Variants in COMMD5 observed in about 807,000 individuals in gnomAD.
COMMD5 encodes COMM domain containing 5.
A neutral mutation model predicts 6.9 loss-of-function variants in COMMD5; 10 were observed. The observed-to-expected ratio is 1.44, with a 90% CI of 0.89 to 2.45. The LOEUF (loss-of-function observed/expected upper bound fraction) is 2.45. Among genes scored for constraint, COMMD5 ranks in the 30% most tolerant of loss-of-function variants. The pLI, the probability that COMMD5 is intolerant of heterozygous loss-of-function variation, is 0.00. For missense variants in COMMD5, 234 were observed against 287.8 expected (o/e 0.81, Z 1.35); for synonymous variants, 127 against 125.3 (o/e 1.01, Z -0.09).
chr8:144,851,381 C>T lies in COMMD5; in HGVS notation c.-43G>A, dbSNP rs1198113262. On this transcript the variant is annotated 5_prime_UTR_variant, in exon 2 of 2. Transcript: ENST00000305103. ...TGATCAGCCAGCCCAGGAGGTCGGT[C>T]CCAGATGCAGATGCCTAGAGTGGGG... The T allele has an allele frequency of 7.7e-6, 12 of 1,567,642 alleles. No individual in the cohort carries two copies. The highest frequency in any genetic ancestry group is 1.4e-5 in the African/African-American group (1 of 73,920).
chr8:144,844,936 G>A (rs1338895892), intron 1 of COMMD5, among the ~76,000 whole-genome samples: 2 of 151,800 alleles, frequency 1.3e-5, no homozygotes, highest in African/African-American at 4.8e-5. Context: ...GGGAGAGGAA[G>A]TGGGGAAAAA....
chr8:144,846,513 T>C, downstream of COMMD5: 2 of 227,424 alleles, frequency 8.8e-6, no homozygotes, highest in Non-Finnish European at 1.7e-5. Flanking sequence ...CCAAGTCACC[T>C]TGAACTTGGA....
chr8:144,846,953 C>G (rs955100699), downstream of COMMD5: 3 of 152,274 alleles, frequency 2.0e-5, no homozygotes, highest in African/African-American at 7.2e-5. Flanking sequence ...CCGCCTCGGC[C>G]TCCCTAAGTG....
Position 144,851,263 on chromosome 8 carries a change from C to G in COMMD5, c.76G>C (p.Gly26Arg), listed in dbSNP as rs1830730847. 6.2e-7 allele frequency: 1 copy of G among 1,613,886 alleles called. No homozygotes were observed. Among genetic ancestry groups the G allele is most frequent in the Non-Finnish European group, 8.5e-7 (1 of 1,180,026 alleles). The change falls in exon 2 of 2, where the codon GGG becomes CGG. Residue 26 changes from glycine (G) to arginine (R), a missense_variant. Coordinates refer to ENST00000305103, the MANE Select transcript of COMMD5 (RefSeq NM_014066.4). The part of the protein sequence containing the change: ...DSHSGRVSFL[G>R]AQLPPEVAAM... ...GCCACCTCTGGAGGAAGCTGGGCCC[C>G]CAAGAAACTCACTCGGCCACTGTGA...
chr8:144,839,208 C>T (rs1340383885), downstream of COMMD5, among the ~76,000 whole-genome samples: 1 of 151,822 alleles, frequency 6.6e-6, no homozygotes, highest in Non-Finnish European at 1.5e-5. Context: ...TCATATGCGC[C>T]TAGGGGCTGT....
downstream of COMMD5, among the ~76,000 whole-genome samples, chr8:144,845,817 G>A (rs1830478893): frequency 6.6e-6 from 1 of 152,218 alleles, no homozygotes; most frequent in Non-Finnish European, 1.5e-5. Context: ...CTCCAGCCAT[G>A]CCCTACTCAC....
In COMMD5 at chr8:144,850,872, C is replaced by G. The variant is rs541693996; in HGVS notation, c.467G>C (p.Arg156Pro). ...GGAGATTGCTACATCCACCCGCCAC[C>G]GAAAGTCAGCAACATGCGGCAGCCA... ...GAWLPHVADF[R>P]WRVDVAISTS... The change falls in exon 2 of 2, where the codon CGG becomes CCG. Residue 156 changes from arginine (R) to proline (P), a missense_variant. Physicochemically the swap from Arg to Pro is moderately radical, Grantham distance 103 (BLOSUM62 -2). Transcript: ENST00000305103. This position sits in a 1 kb window ranked among gnomAD's most constrained non-coding sequence, Gnocchi z 4.0. 1.2e-6 allele frequency: 2 copies of G among 1,613,040 alleles called. No individual in the cohort carries two copies. The highest frequency in any genetic ancestry group is 8.5e-7 in the Non-Finnish European group (1 of 1,179,728).
chr8:144,848,516 G>A (rs1170260196), downstream of COMMD5, among the ~76,000 whole-genome samples: 1 of 151,920 alleles, frequency 6.6e-6, no homozygotes, highest in Non-Finnish European at 1.5e-5. Flanking sequence ...AAAAAAGATG[G>A]TATTGGAACA....
downstream of COMMD5, among the ~76,000 whole-genome samples, chr8:144,840,132 G>A (rs1485349368): frequency 6.6e-6 from 1 of 152,208 alleles, no homozygotes; most frequent in Non-Finnish European, 1.5e-5. Flanking sequence ...GCAGGGGAAG[G>A]CTTGGGAGGA....
At position 144,850,615 on chromosome 8, in the gene COMMD5, T is replaced by A; in HGVS notation, c.*49A>T. On this transcript the variant is annotated 3_prime_UTR_variant, in exon 2 of 2. Transcript: ENST00000305103. This position sits in a 1 kb window ranked among gnomAD's most constrained non-coding sequence, Gnocchi z 4.0. ...GAGTCAGCTGCACTTTGGCACCATC[T>A]CAGGTGCCTGTCCAAGCCGGATCTG... The A allele has an allele frequency of 6.4e-7, 1 of 1,568,332 alleles. No homozygotes were observed. The highest frequency in any genetic ancestry group is 8.7e-7 in the Non-Finnish European group (1 of 1,151,246).
At chr8:144,845,920 G>T, downstream of COMMD5, 1 of 1,500,776 alleles carries the variant, frequency 6.7e-7, no homozygotes, top group Non-Finnish European at 8.9e-7. Flanking sequence ...AATGTGCTTA[G>T]CCAGGTGGTC....
At chr8:144,843,372 G>A (rs1388350757) in intron 1 of COMMD5, 34 of 542,350 alleles carry the variant, frequency 6.3e-5, no homozygotes, top group East Asian at 5.9e-4. Context: ...GGCACATCAC[G>A]AGGTCAGGAG....
downstream of COMMD5, among the ~76,000 whole-genome samples, chr8:144,840,344 G>A (rs547676116): frequency 7.9e-5 from 12 of 152,352 alleles, no homozygotes; most frequent in African/African-American, 1.7e-4. Flanking sequence ...CCTGGAAGCC[G>A]GAGACTCACC....
intron 1 of COMMD5, 35 bp from the exon 2 acceptor site, chr8:144,851,430 C>A (rs1298208450): frequency 5.7e-6 from 8 of 1,414,708 alleles, no homozygotes; most frequent in African/African-American, 2.9e-5. Flanking sequence ...ACCAGTGACT[C>A]TCACATCCTT....
downstream of COMMD5, chr8:144,838,333 C>T (rs551138113): frequency 2.5e-4 from 143 of 572,758 alleles, no homozygotes; most frequent in African/African-American, 8.3e-4. Context: ...TTCTGAGGTG[C>T]TTCAAGTTAG....
At position 144,850,856 on chromosome 8, in the gene COMMD5, T is replaced by G. The variant is rs1270242290; in HGVS notation, c.483A>C (p.Val161=). 6.2e-6 allele frequency: 10 copies of G among 1,613,322 alleles called. No homozygotes were observed. The highest frequency in any genetic ancestry group is 1.3e-5 in the African/African-American group (1 of 74,922). ...HVADFRWRVD[V]AISTSALARS... ...GAGCCAGGGCACTGGTGGAGATTGCTACATCCACCCGCCACCGAAAGTCAG... is the reference window on the plus strand; with the variant it reads ...GAGCCAGGGCACTGGTGGAGATTGCGACATCCACCCGCCACCGAAAGTCAG... Residue 161 remains valine, a synonymous_variant, in exon 2 of 2, where the codon GTA becomes GTC. Transcript: ENST00000305103. This position sits in a 1 kb window ranked among gnomAD's most constrained non-coding sequence, Gnocchi z 4.0.
rs746333753 is a variant in COMMD5, at chr8:144,842,841, G to A, written c.*117-1098C>T. 12 of 1,614,106 alleles carry A rather than the reference G, an allele frequency of 7.4e-6. No homozygotes were observed. The African/African-American group carries it at 8.0e-5, about 11-fold the overall frequency. ...AACACCAGATAATTCATGCAGGGGT[G>A]AAGCCCTATGAGTGCAGTGAGTGTG... On this transcript the variant is annotated intron_variant and NMD_transcript_variant, in intron 1 of 1. Coordinates refer to the COMMD5 transcript ENST00000530332.
chr8:144,851,291 A>AT lies in COMMD5; in HGVS notation c.47dup (p.Asp16GlufsTer2). On this transcript the variant is annotated frameshift_variant, in exon 2 of 2. Transcript: ENST00000305103. LOFTEE classifies it low-confidence loss of function (END_TRUNC). ...AGAAACTCACTCGGCCACTGTGACT[A>AT]TCACCAGGATGATGCAGGTATGGAG... 1 of 1,613,942 alleles carries AT rather than the reference A, an allele frequency of 6.2e-7. No homozygotes were observed. Among genetic ancestry groups the AT allele is most frequent in the South Asian group, 1.1e-5 (1 of 91,080 alleles).
At position 144,842,585 on chromosome 8, in the gene COMMD5, G is replaced by A. The variant is rs1830084904; in HGVS notation, c.*117-842C>T. ...ATTCAGCATCAGCGAATCCACACTGGAGAGAAACCCTATGTGTGTAATGAC... is the reference window on the plus strand; with the variant it reads ...ATTCAGCATCAGCGAATCCACACTGAAGAGAAACCCTATGTGTGTAATGAC... On this transcript the variant is annotated intron_variant and NMD_transcript_variant, in intron 1 of 1. Transcript: ENST00000530332. 5 of 1,614,096 alleles carry A rather than the reference G, an allele frequency of 3.1e-6. No individual in the cohort carries two copies. Among genetic ancestry groups the A allele is most frequent in the Non-Finnish European group, 4.2e-6 (5 of 1,180,056 alleles).
Sources: gnomAD v4.1 joint callset for allele counts (sites outside exome capture counted in the v4.1 genomes callset) on GRCh38, gnomAD v4.1.1 for gene constraint, Gnocchi (gnomAD v3.1) non-coding constraint, MANE v1.5 for transcripts, NCBI Gene and HGNC (gene_info 2026-07-23, HGNC 2026-07-21) for gene names.